The following GRIA4 variants were observed in gnomAD, a reference collection of about 807,000 sequenced individuals.
GRIA4 encodes glutamate receptor 4.
In GRIA4, 34 loss-of-function variants were observed where a neutral mutation model predicts 104.0. The observed-to-expected ratio is 0.33, with a 90% CI of 0.25 to 0.44. The LOEUF is 0.44. GRIA4 is among the 20% of genes least tolerant of loss of function. The probability of loss-of-function intolerance (pLI) is 1.00; values close to 1 mark genes in which losing one functional copy is unlikely to be tolerated. For missense variants in GRIA4, 750 were observed against 1,096.5 expected (o/e 0.68, Z 4.46); for synonymous variants, 386 against 381.9 (o/e 1.01, Z -0.13).
chr11:105,804,534 A>G (rs1227296786), intron 4 of GRIA4, among the ~76,000 whole-genome samples: 2 of 152,000 alleles, frequency 1.3e-5, no homozygotes, highest in Non-Finnish European at 2.9e-5. Context: ...ATACTCCTGC[A>G]CAGAAAAATG....
intron 3 of GRIA4, among the ~76,000 whole-genome samples, chr11:105,639,309 A>C (rs1274968319): frequency 6.6e-6 from 1 of 152,072 alleles, no homozygotes; most frequent in Non-Finnish European, 1.5e-5. Flanking sequence ...ATATTTTAAA[A>C]TTCTTTTTAA....
At chr11:105,922,380 G>A (rs1025351196) in intron 11 of GRIA4, among the ~76,000 whole-genome samples, 1 of 152,038 alleles carries the variant, frequency 6.6e-6, no homozygotes, top group African/African-American at 2.4e-5. Context: ...AGAAAAGTTG[G>A]GCAAAGTACA....
chr11:105,695,511 T>C (rs990806007), intron 3 of GRIA4, among the ~76,000 whole-genome samples: 2 of 137,726 alleles, frequency 1.5e-5, no homozygotes, highest in African/African-American at 2.7e-5. Flanking sequence ...TCTGTGTGTG[T>C]GTGCGTGCGC....
At chr11:105,859,256 T>C (rs1253403090) in intron 4 of GRIA4, among the ~76,000 whole-genome samples, 2 of 152,152 alleles carry the variant, frequency 1.3e-5, no homozygotes, top group Non-Finnish European at 1.5e-5. Flanking sequence ...AGAGTATGAT[T>C]TTAGCCAAGC....
chr11:105,757,915 C>G (rs1277971422), intron 4 of GRIA4, among the ~76,000 whole-genome samples: 3 of 152,088 alleles, frequency 2.0e-5, no homozygotes, highest in Non-Finnish European at 4.4e-5. Flanking sequence ...CCATGGTGAT[C>G]ATTTTAATGA....
chr11:105,661,099 A>G (rs1252212172), intron 3 of GRIA4, among the ~76,000 whole-genome samples: 2 of 151,632 alleles, frequency 1.3e-5, no homozygotes, highest in Non-Finnish European at 3.0e-5. Flanking sequence ...GGAAGATGAG[A>G]TATTTTCTAG....
At chr11:105,618,870 A>G (rs1305673582) in intron 3 of GRIA4, among the ~76,000 whole-genome samples, 3 of 152,018 alleles carry the variant, frequency 2.0e-5, no homozygotes, top group African/African-American at 7.2e-5. Context: ...AAACAAAGAA[A>G]GCTGAGGAGA....
chr11:105,906,074 T>C (rs904813343), intron 9 of GRIA4, among the ~76,000 whole-genome samples: 2 of 152,164 alleles, frequency 1.3e-5, no homozygotes, highest in African/African-American at 4.8e-5. Context: ...AAAAGCTGTA[T>C]TTGGCTGTTT....
intron 4 of GRIA4, among the ~76,000 whole-genome samples, chr11:105,856,947 T>C (rs1945029357): frequency 6.6e-6 from 1 of 152,158 alleles, no homozygotes; most frequent in Admixed American, 6.6e-5. Context: ...CCATCTTATC[T>C]TGGGTTTACG....
intron 4 of GRIA4, among the ~76,000 whole-genome samples, chr11:105,778,488 C>T (rs544703933): frequency 2.6e-5 from 4 of 152,274 alleles, no homozygotes; most frequent in Admixed American, 1.3e-4. Flanking sequence ...GGGAGGATCA[C>T]GAGGTCAGGA....
intron 3 of GRIA4, among the ~76,000 whole-genome samples, chr11:105,656,900 T>C (rs895984617): frequency 6.6e-6 from 1 of 152,066 alleles, no homozygotes; most frequent in Non-Finnish European, 1.5e-5. Context: ...TCAGAAAATA[T>C]GTACTTATTA....
chr11:105,642,133 C>T (rs1320916519), intron 3 of GRIA4, among the ~76,000 whole-genome samples: 1 of 152,058 alleles, frequency 6.6e-6, no homozygotes, highest in African/African-American at 2.4e-5. Context: ...TCTTTAAAGA[C>T]CCTGTCCCCC....
intron 4 of GRIA4, among the ~76,000 whole-genome samples, chr11:105,853,969 T>C (rs1369926565): frequency 6.6e-6 from 1 of 152,212 alleles, no homozygotes; most frequent in African/African-American, 2.4e-5. Context: ...CTCCAAAGCT[T>C]CGAAGGTTTC....
intron 3 of GRIA4, among the ~76,000 whole-genome samples, chr11:105,746,369 C>T (rs1939656560): frequency 1.3e-5 from 2 of 149,818 alleles, no homozygotes; most frequent in Non-Finnish European, 3.0e-5. Context: ...AGATAGGCAA[C>T]ATCAAAAATA....
At chr11:105,887,681 G>T in intron 6 of GRIA4, 109 bp downstream of exon 6, 1 of 627,530 alleles carries the variant, frequency 1.6e-6, no homozygotes, top group East Asian at 3.0e-5. Flanking sequence ...TACTTACTAA[G>T]CTTTTAATAA....
chr11:105,698,638 T>C (rs1953372369), intron 3 of GRIA4, among the ~76,000 whole-genome samples: 1 of 152,104 alleles, frequency 6.6e-6, no homozygotes. Context: ...ATATAATCCA[T>C]CAGAACACCA....
intron 4 of GRIA4, among the ~76,000 whole-genome samples, chr11:105,801,045 T>C (rs942659735): frequency 6.6e-6 from 1 of 151,856 alleles, no homozygotes; most frequent in Non-Finnish European, 1.5e-5. Context: ...TTTATCACAA[T>C]AGAAACATTA....
intron 3 of GRIA4, among the ~76,000 whole-genome samples, chr11:105,636,775 A>G (rs1951214469): frequency 6.6e-6 from 1 of 152,194 alleles, no homozygotes; most frequent in African/African-American, 2.4e-5. Flanking sequence ...ATGGAGTGAC[A>G]GTGTCCCTCA....
chr11:105,827,892 A>C (rs540791066), intron 4 of GRIA4, among the ~76,000 whole-genome samples: 1 of 152,214 alleles, frequency 6.6e-6, no homozygotes, highest in South Asian at 2.1e-4. Flanking sequence ...TAAAATAATT[A>C]AGCAGATTCT....
Sources: gnomAD v4.1 joint callset for allele counts (sites outside exome capture counted in the v4.1 genomes callset) on GRCh38, gnomAD v4.1.1 for gene constraint, MANE v1.5 for transcripts, NCBI Gene and HGNC (gene_info 2026-07-23, HGNC 2026-07-21) for gene names.